SPAG16: variants seen among roughly 807,000 people sequenced by gnomAD.
SPAG16 encodes the protein sperm-associated antigen 16 protein.
A neutral mutation model predicts 80.4 loss-of-function variants in SPAG16; 86 were observed. The observed-to-expected ratio is 1.07, with a 90% CI of 0.90 to 1.28. SPAG16 has a LOEUF of 1.28. Among genes scored for constraint, SPAG16 ranks in the 50% most tolerant of loss-of-function variants. SPAG16 has a pLI of 0.00. For synonymous variants in SPAG16, 294 were observed against 265.9 expected (o/e 1.11, Z -1.03); for missense variants, 870 against 765.3 (o/e 1.14, Z -1.61).
Position 213,284,514 on chromosome 2 carries a change from G to C in SPAG16, c.31G>C (p.Ala11Pro). ...TGCTCAGCGAGGGATGCCCAGCTCC[G>C]CCGTGAGGGTCCTGGAAGAGGCGTT... MAAQRGMPSS[A>P]VRVLEEALGM... The change falls in exon 1 of 16, where the codon GCC becomes CCC. Residue 11 changes from alanine to proline, a missense_variant. Physicochemically the swap from Ala to Pro is conservative, Grantham distance 27. Coordinates refer to ENST00000331683, the MANE Select transcript of SPAG16 (RefSeq NM_024532.5). 1 of 1,583,946 alleles carries C rather than the reference G, an allele frequency of 6.3e-7. No homozygotes were observed. The highest frequency in any genetic ancestry group is 1.2e-5 in the South Asian group (1 of 86,900).
intron 15 of SPAG16, among the ~76,000 whole-genome samples, chr2:214,210,035 A>G (rs940549805): frequency 6.6e-6 from 1 of 152,052 alleles, no homozygotes; most frequent in Non-Finnish European, 1.5e-5. Context: ...CATTGAAATC[A>G]ATATGCCCTC....
intron 3 of SPAG16, among the ~76,000 whole-genome samples, chr2:213,307,815 G>T (rs1250827623): frequency 6.6e-6 from 1 of 152,020 alleles, no homozygotes; most frequent in Non-Finnish European, 1.5e-5. Context: ...GTGTAAAAGT[G>T]TTCCTATTTC....
intron 15 of SPAG16, among the ~76,000 whole-genome samples, chr2:214,172,033 G>T (rs997180297): frequency 6.6e-6 from 1 of 151,086 alleles, no homozygotes; most frequent in East Asian, 1.9e-4. Flanking sequence ...ATCTAACATA[G>T]AATTGCATCT....
intron 11 of SPAG16, among the ~76,000 whole-genome samples, chr2:213,899,965 C>T (rs2077152330): frequency 6.6e-6 from 1 of 152,098 alleles, no homozygotes. Context: ...TTGTACAACT[C>T]TTAGTACCAA....
chr2:214,107,818 A>G (rs1461932838), intron 13 of SPAG16, among the ~76,000 whole-genome samples: 1 of 152,182 alleles, frequency 6.6e-6, no homozygotes, highest in Non-Finnish European at 1.5e-5. Flanking sequence ...GCCTACCCCC[A>G]GCAGCAGTAG....
rs927655550 is a variant in SPAG16, at chr2:214,065,022, G to A, written c.1528-43174G>A. ...GTAACTTGTATTTCTACTGTGCTAA[G>A]AGCTTTAAATATTTTTTCTCATGTG... is the stretch of plus-strand genomic sequence containing the variant. On this transcript the variant is annotated intron_variant, in intron 13 of 15. Coordinates refer to ENST00000331683, the MANE Select transcript of SPAG16 (RefSeq NM_024532.5). 1.4e-4 allele frequency among the ~76,000 whole-genome samples: 22 copies of A among 151,766 alleles called. 1 individual carries two copies. Among genetic ancestry groups the A allele is most frequent in the Non-Finnish European group, 2.8e-4 (19 of 67,878 alleles).
At chr2:214,264,367 A>G (rs1432633999) in intron 15 of SPAG16, among the ~76,000 whole-genome samples, 4 of 152,196 alleles carry the variant, frequency 2.6e-5, no homozygotes, top group African/African-American at 9.6e-5. Flanking sequence ...TAGCATGGAC[A>G]TGCCAAGTGC....
chr2:214,336,172 T>C (rs1353379076), intron 15 of SPAG16, among the ~76,000 whole-genome samples: 1 of 152,214 alleles, frequency 6.6e-6, no homozygotes, highest in East Asian at 1.9e-4. Context: ...AAAAGTGTAG[T>C]TGAAAACATT....
intron 10 of SPAG16, among the ~76,000 whole-genome samples, chr2:213,805,681 C>A (rs1035808295): frequency 6.6e-6 from 1 of 152,112 alleles, no homozygotes; most frequent in African/African-American, 2.4e-5. Flanking sequence ...TGTCTGAGAG[C>A]CCTTCCAACT....
At chr2:213,301,795 C>A (rs1260775608) in intron 3 of SPAG16, among the ~76,000 whole-genome samples, 1 of 152,118 alleles carries the variant, frequency 6.6e-6, no homozygotes, top group Non-Finnish European at 1.5e-5. Context: ...TCCACTTTAT[C>A]TTTGGCCCTT....
intron 10 of SPAG16, among the ~76,000 whole-genome samples, chr2:213,522,190 A>T (rs576407443): frequency 6.6e-6 from 1 of 152,322 alleles, no homozygotes; most frequent in African/African-American, 2.4e-5. Flanking sequence ...GAATAGGAGG[A>T]GATGGGGGCC....
intron 10 of SPAG16, among the ~76,000 whole-genome samples, chr2:213,788,201 C>A (rs2070460512): frequency 1.3e-5 from 2 of 151,620 alleles, no homozygotes; most frequent in South Asian, 4.1e-4. Context: ...TTTATCATAG[C>A]AACTAAAAAT....
intron 10 of SPAG16, among the ~76,000 whole-genome samples, chr2:213,517,213 C>T (rs895314236): frequency 1.3e-5 from 2 of 151,978 alleles, no homozygotes; most frequent in South Asian, 2.1e-4. Context: ...TTTACAACAG[C>T]GGCAAAGAAA....
At chr2:213,510,374 TTAAC>T (rs1258327459) in intron 10 of SPAG16, among the ~76,000 whole-genome samples, 2 of 152,100 alleles carry the variant, frequency 1.3e-5, no homozygotes, top group African/African-American at 4.8e-5. Context: ...ATCACATTCT[TTAAC>T]TATTTAACAT....
chr2:213,672,757 CCCT>C (rs2063862293), intron 10 of SPAG16, among the ~76,000 whole-genome samples: 1 of 151,956 alleles, frequency 6.6e-6, no homozygotes, highest in Non-Finnish European at 1.5e-5. Flanking sequence ...ATCACATTGG[CCCT>C]GCTCTGCAAT....
intron 10 of SPAG16, among the ~76,000 whole-genome samples, chr2:213,774,320 C>G (rs577140664): frequency 6.6e-6 from 1 of 152,282 alleles, no homozygotes; most frequent in East Asian, 1.9e-4. Context: ...TACGAAAACT[C>G]TATGAGAGTT....
At chr2:214,052,123 C>A (rs2049681240) in intron 13 of SPAG16, among the ~76,000 whole-genome samples, 1 of 152,148 alleles carries the variant, frequency 6.6e-6, no homozygotes, top group Non-Finnish European at 1.5e-5. Flanking sequence ...ATTATGACAT[C>A]ATTTTTATTG....
chr2:213,308,207 C>A (rs1264850442), intron 3 of SPAG16, among the ~76,000 whole-genome samples: 1 of 152,050 alleles, frequency 6.6e-6, no homozygotes, highest in Non-Finnish European at 1.5e-5. Flanking sequence ...ATTCCCTATT[C>A]CTTGGTATTT....
At chr2:214,092,430 AT>A (rs1373170042) in intron 13 of SPAG16, among the ~76,000 whole-genome samples, 3 of 151,432 alleles carry the variant, frequency 2.0e-5, no homozygotes, top group African/African-American at 7.3e-5. Flanking sequence ...TCATACATTT[AT>A]TGTCCATTTA....
Sources: gnomAD v4.1 joint callset for allele counts (sites outside exome capture counted in the v4.1 genomes callset) on GRCh38, gnomAD v4.1.1 for gene constraint, MANE v1.5 for transcripts, NCBI Gene and HGNC (gene_info 2026-07-23, HGNC 2026-07-21) for gene names.